Variants in ADAMTS7 observed in about 807,000 individuals in gnomAD.
ADAMTS7 encodes the protein ADAM metallopeptidase with thrombospondin type 1 motif 7.
In ADAMTS7, 89 loss-of-function variants were observed where a neutral mutation model predicts 172.6. The ratio of observed to expected loss-of-function variants is 0.52; its 90% CI spans 0.43 to 0.61. The LOEUF is 0.61. Ranked by LOEUF, ADAMTS7 falls within the 20% of genes least tolerant of loss-of-function variation. The pLI, the probability that ADAMTS7 is intolerant of heterozygous loss-of-function variation, is 0.00. For synonymous variants in ADAMTS7, 885 were observed against 978.4 expected (o/e 0.90, Z 1.78); for missense variants, 1,973 against 2,355.6 (o/e 0.84, Z 3.36).
intron 4 of ADAMTS7, among the ~76,000 whole-genome samples, chr15:78,793,859 G>A (rs1158062205): frequency 2.0e-5 from 3 of 152,238 alleles, no homozygotes; most frequent in Non-Finnish European, 4.4e-5. Flanking sequence ...ACAGAATGGG[G>A]CTTTGGAGGT....
At chr15:78,777,926 C>G (rs1309147101) in intron 8 of ADAMTS7, among the ~76,000 whole-genome samples, 2 of 152,206 alleles carry the variant, frequency 1.3e-5, no homozygotes. Context: ...CTGCAGCCTC[C>G]GTGTCTGAGC....
rs2055000638 is a variant in ADAMTS7 at position 78,759,288 on chromosome 15, G to T, written c.*133C>A. ...AGAATAAAAAAATACCTTTTTTGAG[G>T]GGGAGGAGGTCCCCAGCCTGCTGCT... On this transcript the variant is annotated 3_prime_UTR_variant, in exon 24 of 24. Coordinates refer to ENST00000388820, the MANE Select transcript of ADAMTS7 (RefSeq NM_014272.5). The T allele has an allele frequency of 6.6e-6, 5 of 759,564 alleles. No individual in the cohort carries two copies. Among genetic ancestry groups the T allele is most frequent in the Non-Finnish European group, 9.7e-6 (5 of 515,080 alleles). 47.1% of individuals were successfully genotyped at this position (759,564 alleles called of 1,614,324 possible). A position where few individuals can be genotyped will look rare whatever the true frequency, so the allele number is the denominator to read the frequency against.
At position 78,774,719 on chromosome 15, in the gene ADAMTS7, G is replaced by A. The variant is rs1466355708; in HGVS notation, c.1781C>T (p.Ala594Val). 6.2e-7 allele frequency: 1 copy of A among 1,611,590 alleles called. No homozygotes were observed. The highest frequency in any genetic ancestry group is 8.5e-7 in the Non-Finnish European group (1 of 1,179,772). Residue 594 changes from alanine to valine, a missense_variant, in exon 12 of 24, where the codon GCT (alanine) becomes GTT (valine). Physicochemically the swap from Ala to Val is moderately conservative, Grantham distance 64. Coordinates refer to ENST00000388820, the MANE Select transcript of ADAMTS7 (RefSeq NM_014272.5). ...FRLCNLQACP[A>V]GRPSFRHVQC... ...GACGTGGCGGAAGGAGGGGCGGCCA[G>A]CAGGGCAGGCCTGCAGGTTGCAGAG...
At chr15:78,762,846 G>C (rs953316133) in intron 22 of ADAMTS7, among the ~76,000 whole-genome samples, 2 of 152,242 alleles carry the variant, frequency 1.3e-5, no homozygotes, top group African/African-American at 2.4e-5. Context: ...CCCTCACACA[G>C]GACATGCCTG....
chr15:78,781,946 G>C (rs1297797788), intron 8 of ADAMTS7, among the ~76,000 whole-genome samples: 1 of 152,140 alleles, frequency 6.6e-6, no homozygotes, highest in Non-Finnish European at 1.5e-5. Context: ...CATGCACAAG[G>C]CAGGCCCATC....
chr15:78,763,904 C>G (rs1244817152), intron 21 of ADAMTS7, 22 bp downstream of exon 21: 4 of 1,558,372 alleles, frequency 2.6e-6, no homozygotes, highest in African/African-American at 1.3e-5. Flanking sequence ...CCCCTCCCCC[C>G]AACTCAACGG....
intron 3 of ADAMTS7, 26 bp downstream of exon 3, chr15:78,797,922 C>A: frequency 6.3e-7 from 1 of 1,588,276 alleles, no homozygotes; most frequent in South Asian, 1.1e-5. Context: ...AGCACCCACC[C>A]GAGAACTGGG....
intron 8 of ADAMTS7, among the ~76,000 whole-genome samples, chr15:78,783,336 C>T (rs905194535): frequency 5.9e-5 from 9 of 152,224 alleles, no homozygotes; most frequent in African/African-American, 2.2e-4. Context: ...GTGGCGCAAT[C>T]TCAGTTCACT....
In ADAMTS7 at chr15:78,764,425, T is replaced by C. The variant is rs1317564147; in HGVS notation, c.4419+130A>G. 60 of 1,237,236 alleles carry C rather than the reference T, an allele frequency of 4.8e-5. No homozygotes were observed. The Admixed American group carries it at 1.6e-3, about 34-fold the overall frequency. 76.6% of individuals were successfully genotyped at this position (1,237,236 alleles called of 1,614,324 possible). ...GACTCCCAAGAGATTCAGAATCCGG[T>C]GTGATCGGGCACACAGATGTGCAGC... On this transcript the variant is annotated intron_variant, in intron 20 of 23. Coordinates refer to ENST00000388820, the MANE Select transcript of ADAMTS7 (RefSeq NM_014272.5).
In ADAMTS7 at chr15:78,766,763, G is replaced by A; in HGVS notation, c.3148C>T (p.Pro1050Ser). The A allele has an allele frequency of 1.9e-6, 3 of 1,610,600 alleles. No homozygotes were observed. The highest frequency in any genetic ancestry group is 2.5e-6 in the Non-Finnish European group (3 of 1,179,824). Reference protein sequence around the residue: ...TMGNAIEEEAPELDLPGPVFV... With the variant: ...TMGNAIEEEASELDLPGPVFV... ...ACGGGCCCCGGCAGGTCCAGCTCTG[G>A]AGCCTCCTCCTCAATGGCGTTGCCC... Residue 1050 changes from proline (P) to serine (S), a missense_variant, in exon 19 of 24, where the codon CCA becomes TCA. Physicochemically the swap from Pro to Ser is moderately conservative, Grantham distance 74. Around this residue, in one of 8 missense-constraint regions of ADAMTS7, gnomAD observed 771 missense variants for 952.6 expected, o/e 0.81. Transcript: ENST00000388820.
chr15:78,773,712 TAC>T (rs1314482973), intron 13 of ADAMTS7, among the ~76,000 whole-genome samples: 2 of 152,046 alleles, frequency 1.3e-5, no homozygotes, highest in East Asian at 3.9e-4. Flanking sequence ...TAGAAATTGT[TAC>T]CACACACTGA....
chr15:78,810,778 G>C (rs1028731854), intron 1 of ADAMTS7: 1 of 209,310 alleles, frequency 4.8e-6, no homozygotes, highest in Non-Finnish European at 9.5e-6. Flanking sequence ...ACCGCGCTCC[G>C]TCCAGCCCAC....
intron 4 of ADAMTS7, among the ~76,000 whole-genome samples, chr15:78,792,988 T>C (rs1346088997): frequency 6.6e-6 from 1 of 151,992 alleles, no homozygotes; most frequent in African/African-American, 2.4e-5. Flanking sequence ...GTAGCATTGG[T>C]AAAGAAAGAT....
At chr15:78,805,021 C>T (rs2055770651) in intron 1 of ADAMTS7, among the ~76,000 whole-genome samples, 1 of 152,212 alleles carries the variant, frequency 6.6e-6, no homozygotes, top group African/African-American at 2.4e-5. Flanking sequence ...CTCTGAAAAA[C>T]TGCAGATGCC....
chr15:78,783,296 GTC>G (rs1424489876), intron 8 of ADAMTS7, among the ~76,000 whole-genome samples: 1 of 152,088 alleles, frequency 6.6e-6, no homozygotes, highest in East Asian at 1.9e-4. Flanking sequence ...TTGAGACAGA[GTC>G]TCTCTCTGTT....
rs2055532016 is a variant in ADAMTS7 at position 78,788,211 on chromosome 15, C to T, written c.1322+20G>A. 6.2e-7 allele frequency: 1 copy of T among 1,612,766 alleles called. No homozygotes were observed. The highest frequency in any genetic ancestry group is 8.5e-7 in the Non-Finnish European group (1 of 1,179,768). On this transcript the variant is annotated intron_variant, in intron 8 of 23. Transcript: ENST00000388820. ...GACCTCATGGATCAAGGTATAGGGG[C>T]CCAGGGCTGGGGGACTTACTCAAGG...
chr15:78,766,039 G>A lies in ADAMTS7; in HGVS notation c.3872C>T (p.Ser1291Phe). The stretch of plus-strand genomic sequence containing the variant: ...AGGGGCTATGGGAGGAGGAAGGAGA[G>A]AAGCCACCCCAACAGTGGGCCACAG... ...SELWPTVGVA[S>F]LLPPPIAPLP... The change falls in exon 19 of 24, where the codon TCT becomes TTT. Residue 1291 changes from serine (S) to phenylalanine (F), a missense_variant. This residue lies in a region of ADAMTS7 where 771 missense variants were observed against 952.6 expected (regional missense o/e 0.81). Transcript: ENST00000388820. 1 of 1,604,988 alleles carries A rather than the reference G, an allele frequency of 6.2e-7. No individual in the cohort carries two copies. Among genetic ancestry groups the A allele is most frequent in the Non-Finnish European group, 8.5e-7 (1 of 1,179,912 alleles).
chr15:78,800,592 G>A, intron 1 of ADAMTS7, 45 bp from the exon 2 acceptor site: 1 of 1,541,712 alleles, frequency 6.5e-7, no homozygotes, highest in Non-Finnish European at 8.8e-7. Context: ...GGCAGACCCG[G>A]GTCCTTGCTG....
chr15:78,788,217 G>T lies in ADAMTS7; in HGVS notation c.1322+14C>A, dbSNP rs774637873. The T allele has an allele frequency of 1.2e-6, 2 of 1,613,212 alleles. No homozygotes were observed. The highest frequency in any genetic ancestry group is 2.2e-5 in the South Asian group (2 of 91,020). ...ATGGATCAAGGTATAGGGGCCCAGGGCTGGGGGACTTACTCAAGGAACCTG... is the reference window on the plus strand; with the variant it reads ...ATGGATCAAGGTATAGGGGCCCAGGTCTGGGGGACTTACTCAAGGAACCTG... On this transcript the variant is annotated intron_variant, in intron 8 of 23. Transcript: ENST00000388820.
Sources: allele counts gnomAD v4.1 joint callset (sites outside exome capture counted in the v4.1 genomes callset), GRCh38; gene constraint gnomAD v4.1.1; regional missense constraint gnomAD v4.1.1; transcripts MANE v1.5; gene names NCBI Gene and HGNC (gene_info 2026-07-23, HGNC 2026-07-21).